The following BNC2 variants were observed in gnomAD, a reference collection of about 807,000 sequenced individuals.
BNC2 encodes the protein basonuclin zinc finger protein 2.
Under a neutral mutation model 76.3 loss-of-function variants are expected in BNC2, and 20 were observed. The observed-to-expected ratio is 0.26, with a 90% CI of 0.18 to 0.38. The LOEUF is 0.38. Among genes scored for constraint, BNC2 ranks in the 10% least tolerant of loss-of-function variants. The pLI is 1.00. For missense variants in BNC2, 1,382 were observed against 1,399.8 expected, an observed-to-expected ratio of 0.99 and a Z score of 0.20; for synonymous variants, 582 against 514.8, an observed-to-expected ratio of 1.13 and a Z score of -1.77.
At chr9:16,512,601 T>C (rs112431613) in intron 5 of BNC2, among the ~76,000 whole-genome samples, 5 of 152,206 alleles carry the variant, frequency 3.3e-5, no homozygotes, top group African/African-American at 1.2e-4. Context: ...TACTTTGTTG[T>C]TTTACTTTAT....
chr9:16,667,329 A>T (rs1276946232), intron 3 of BNC2, among the ~76,000 whole-genome samples: 3 of 152,232 alleles, frequency 2.0e-5, no homozygotes, highest in African/African-American at 7.2e-5. Context: ...GGCCTATACA[A>T]GAATAAAATC....
intron 3 of BNC2, among the ~76,000 whole-genome samples, chr9:16,645,794 T>C (rs1821607116): frequency 6.6e-6 from 1 of 152,236 alleles, no homozygotes; most frequent in Non-Finnish European, 1.5e-5. Context: ...GAATAAGTAT[T>C]ATTAACCTAA....
At chr9:16,763,210 T>C (rs1436131733) in intron 1 of BNC2, among the ~76,000 whole-genome samples, 1 of 152,202 alleles carries the variant, frequency 6.6e-6, no homozygotes, top group Middle Eastern at 3.2e-3. Context: ...AATTTATTTT[T>C]ATAGAGAGTA....
At chr9:16,704,606 G>A (rs1207920121) in intron 3 of BNC2, 2 of 131,172 alleles carry the variant, frequency 1.5e-5, no homozygotes, top group Non-Finnish European at 3.2e-5. Context: ...AGTTTGTTTT[G>A]TTTTAAACTC....
At chr9:16,861,251 G>A (rs928402794) in intron 1 of BNC2, among the ~76,000 whole-genome samples, 1 of 149,738 alleles carries the variant, frequency 6.7e-6, no homozygotes. Flanking sequence ...TTACTACGGA[G>A]GCTGAAGCAG....
At chr9:16,787,554 T>A (rs1347168231) in intron 1 of BNC2, among the ~76,000 whole-genome samples, 1 of 152,176 alleles carries the variant, frequency 6.6e-6, no homozygotes, top group Non-Finnish European at 1.5e-5. Context: ...CATGGAGCTA[T>A]CCTGATGATG....
chr9:16,802,636 C>T lies in BNC2; in HGVS notation c.4-64151G>A, dbSNP rs908508419. Among the ~76,000 whole-genome samples the T allele has an allele frequency of 3.3e-5, 5 of 152,164 alleles. No individual in the cohort carries two copies. In the East Asian group the frequency reaches 9.6e-4, roughly 29 times the overall value. On this transcript the variant is annotated intron_variant, in intron 1 of 6. Transcript: ENST00000380672. Reference sequence around the variant, plus strand: ...CTTCACATTACTCATCTCTCCCATTCTTTGTCCATCTCTAGCAAGACACTT... The same window carrying T: ...CTTCACATTACTCATCTCTCCCATTTTTTGTCCATCTCTAGCAAGACACTT...
chr9:16,665,370 CAAA>C (rs1195291523), intron 3 of BNC2, among the ~76,000 whole-genome samples: 2 of 3,036 alleles, frequency 6.6e-4, no homozygotes, highest in Admixed American at 4.1e-3. Flanking sequence ...ACCTCTGTCT[CAAA>C]AAAAAAAAAA....
At chr9:16,459,654 T>C (rs1484568674) in intron 5 of BNC2, among the ~76,000 whole-genome samples, 1 of 152,096 alleles carries the variant, frequency 6.6e-6, no homozygotes, top group Non-Finnish European at 1.5e-5. Flanking sequence ...GAAAACAGCA[T>C]GCAAACAGCA....
chr9:16,506,511 C>CTTTTTTTTTTTTTTTTT (rs1563814965), intron 5 of BNC2, among the ~76,000 whole-genome samples: 1 of 81,428 alleles, frequency 1.2e-5, no homozygotes, highest in African/African-American at 5.5e-5. Context: ...TCTCTCTCTC[C>CTTTTTTTTTTTTTTTTT]TCTTTTTTTT....
intron 5 of BNC2, among the ~76,000 whole-genome samples, chr9:16,483,650 G>A (rs1822104886): frequency 6.6e-6 from 1 of 152,156 alleles, no homozygotes; most frequent in Non-Finnish European, 1.5e-5. Flanking sequence ...CAAGAACTTT[G>A]AAAAGCATCT....
chr9:16,820,426 C>CA (rs112394385), intron 1 of BNC2, among the ~76,000 whole-genome samples: 35 of 134,292 alleles, frequency 2.6e-4, no homozygotes, highest in Non-Finnish European at 4.1e-4. Flanking sequence ...AATTTCGTTC[C>CA]AAAAAAAAAA....
intron 1 of BNC2, among the ~76,000 whole-genome samples, chr9:16,767,311 T>C (rs918375661): frequency 1.3e-5 from 2 of 152,166 alleles, no homozygotes; most frequent in Non-Finnish European, 2.9e-5. Flanking sequence ...CCTTCTCAGT[T>C]TGGGCAGTCC....
At position 16,436,598 on chromosome 9, in the gene BNC2, T is replaced by G; in HGVS notation, c.1596A>C (p.Thr532=). The change falls in exon 6 of 7, where the codon ACA becomes ACC. Residue 532 remains threonine (T), a synonymous_variant. Coordinates refer to ENST00000380672, the MANE Select transcript of BNC2 (RefSeq NM_017637.6). The part of the protein sequence containing the change: ...IASTKSNLAL[T]SPGRPPMGFT... ...AACCCATTGGGGGTCGGCCAGGGCTTGTGAGTGCCAGATTTGATTTTGTAC... is the reference window on the plus strand; with the variant it reads ...AACCCATTGGGGGTCGGCCAGGGCTGGTGAGTGCCAGATTTGATTTTGTAC... 1 of 1,614,110 alleles carries G rather than the reference T, an allele frequency of 6.2e-7. No homozygotes were observed.
chr9:16,842,829 G>A (rs973333352), intron 1 of BNC2, among the ~76,000 whole-genome samples: 4 of 151,982 alleles, frequency 2.6e-5, no homozygotes, highest in Non-Finnish European at 4.4e-5. Flanking sequence ...TCGGCTCACT[G>A]CAATCTCTGT....
chr9:16,427,424 A>T (rs950982262), intron 6 of BNC2, among the ~76,000 whole-genome samples: 1 of 152,214 alleles, frequency 6.6e-6, no homozygotes, highest in Non-Finnish European at 1.5e-5. Context: ...CGTCCACAAT[A>T]AACAGGATAC....
chr9:16,738,597 A>G (rs929301044), intron 1 of BNC2, 112 bp from the exon 2 acceptor site: 1 of 1,206,774 alleles, frequency 8.3e-7, no homozygotes, highest in Non-Finnish European at 1.2e-6. Context: ...ATGACCAACT[A>G]AACACATTTT....
chr9:16,539,579 GA>G (rs1818238101), intron 5 of BNC2, among the ~76,000 whole-genome samples: 1 of 96,928 alleles, frequency 1.0e-5, no homozygotes, highest in African/African-American at 4.9e-5. Context: ...GAGAGAGACA[GA>G]GAAGGGAGGG....
At chr9:16,515,777 A>C (rs1007218108) in intron 5 of BNC2, among the ~76,000 whole-genome samples, 1 of 151,760 alleles carries the variant, frequency 6.6e-6, no homozygotes, top group African/African-American at 2.4e-5. Context: ...GACATTCTCA[A>C]ATCATAACCA....
Sources: gnomAD v4.1 joint callset for allele counts (sites outside exome capture counted in the v4.1 genomes callset) on GRCh38, gnomAD v4.1.1 for gene constraint, MANE v1.5 for transcripts, NCBI Gene and HGNC (gene_info 2026-07-23, HGNC 2026-07-21) for gene names.